SKAP2: variants seen among roughly 807,000 people sequenced by gnomAD.
The protein encoded by SKAP2 is src kinase-associated phosphoprotein 2.
A neutral mutation model predicts 54.9 loss-of-function variants in SKAP2; 28 were observed. The observed-to-expected ratio is 0.51, with a 90% CI of 0.38 to 0.70. The LOEUF is 0.70. Among genes scored for constraint, SKAP2 ranks in the 30% least tolerant of loss-of-function variants. The pLI, the probability that SKAP2 is intolerant of heterozygous loss-of-function variation, is 0.00. For synonymous variants in SKAP2, 137 were observed against 134.3 expected, an observed-to-expected ratio of 1.02 and a Z score of -0.14; for missense variants, 356 against 424.1, an observed-to-expected ratio of 0.84 and a Z score of 1.41.
intron 9 of SKAP2, among the ~76,000 whole-genome samples, chr7:26,704,687 G>GTATAT: frequency 6.6e-6 from 1 of 152,142 alleles, no homozygotes; most frequent in South Asian, 2.1e-4. Context: ...CTGTAGAAAG[G>GTATAT]GGCTGCCAAA....
At chr7:26,800,824 A>G (rs1218990873) in intron 4 of SKAP2, among the ~76,000 whole-genome samples, 1 of 152,210 alleles carries the variant, frequency 6.6e-6, no homozygotes, top group African/African-American at 2.4e-5. Flanking sequence ...GAACAGACCA[A>G]TAAGAAGCAA....
At chr7:26,845,731 A>G (rs1784907339) in intron 3 of SKAP2, among the ~76,000 whole-genome samples, 2 of 152,172 alleles carry the variant, frequency 1.3e-5, no homozygotes. Flanking sequence ...CAGGAATTAG[A>G]CACCAGGCTG....
In SKAP2 at chr7:26,667,396, G is replaced by A. The variant is rs1409309783; in HGVS notation, c.*2270C>T. 3 of 152,052 alleles carry A rather than the reference G, an allele frequency of 2.0e-5. No homozygotes were observed. The highest frequency in any genetic ancestry group is 7.2e-5 in the African/African-American group (3 of 41,412). The allele number at this position is 152,052 out of a possible 1,614,324, so 9.4% of individuals were successfully genotyped here. On this transcript the variant is annotated 3_prime_UTR_variant, in exon 13 of 13. Transcript: ENST00000345317. ...AAGGGTGTAAAGAAAACTCTCCCTG[G>A]TTTGTATACAAATGATTTCATCAAA...
At chr7:26,717,563 T>C (rs1787479958) in intron 9 of SKAP2, among the ~76,000 whole-genome samples, 1 of 106,076 alleles carries the variant, frequency 9.4e-6, no homozygotes, top group Non-Finnish European at 1.9e-5. Context: ...CTGTGGCTCA[T>C]ACCTATAATC....
At chr7:26,662,661 G>A (rs17154270), downstream of SKAP2, among the ~76,000 whole-genome samples, 1,651 of 152,182 alleles carry the variant, frequency 0.011, 23 homozygotes, top group African/African-American at 0.037. Context: ...GCCCTGAGAC[G>A]ATAATAAAGA....
chr7:26,800,125 A>G (rs1280948822), intron 4 of SKAP2, among the ~76,000 whole-genome samples: 2 of 152,150 alleles, frequency 1.3e-5, no homozygotes, highest in African/African-American at 2.4e-5. Context: ...CTCTGTCTCA[A>G]AAAAATAAAT....
chr7:26,736,996 C>T (rs1009477381), intron 6 of SKAP2, among the ~76,000 whole-genome samples: 2 of 151,958 alleles, frequency 1.3e-5, no homozygotes, highest in African/African-American at 2.4e-5. Context: ...AATATTAACA[C>T]GCTTTGGGTT....
chr7:26,723,274 AAC>A (rs768689118), intron 9 of SKAP2, among the ~76,000 whole-genome samples: 1 of 152,202 alleles, frequency 6.6e-6, no homozygotes, highest in African/African-American at 2.4e-5. Flanking sequence ...CGTTGGCACA[AAC>A]TTGACAAACT....
chr7:26,807,334 T>C (rs1784050134), intron 4 of SKAP2, among the ~76,000 whole-genome samples: 1 of 152,154 alleles, frequency 6.6e-6, no homozygotes, highest in Non-Finnish European at 1.5e-5. Context: ...TGGGAAGTGA[T>C]TGGATCATCG....
chr7:26,743,228 T>C (rs1008887553), intron 4 of SKAP2, among the ~76,000 whole-genome samples: 4 of 152,318 alleles, frequency 2.6e-5, no homozygotes, highest in Admixed American at 6.5e-5. Context: ...CACTGGGTCT[T>C]AGTCCTTTGC....
chr7:26,817,783 T>C (rs1159616636), intron 4 of SKAP2, among the ~76,000 whole-genome samples: 1 of 152,108 alleles, frequency 6.6e-6, no homozygotes, highest in Non-Finnish European at 1.5e-5. Flanking sequence ...AGCATTCCTA[T>C]ACACCAATAA....
intron 10 of SKAP2, among the ~76,000 whole-genome samples, chr7:26,686,565 G>T (rs1786645360): frequency 6.6e-6 from 1 of 152,074 alleles, no homozygotes. Context: ...CACTGCAGCT[G>T]GCCAGATCAC....
chr7:26,656,435 A>G, the SKAP2 span, among the ~76,000 whole-genome samples: 1 of 152,188 alleles, frequency 6.6e-6, no homozygotes, highest in Admixed American at 6.5e-5. Context: ...GTGTCATTCC[A>G]CTGTTATACT....
intron 10 of SKAP2, among the ~76,000 whole-genome samples, chr7:26,687,590 T>C (rs1325647034): frequency 1.3e-5 from 2 of 152,090 alleles, no homozygotes; most frequent in African/African-American, 4.8e-5. Flanking sequence ...AGGGAAGTAA[T>C]GTTTGAATTC....
At chr7:26,811,782 AGACT>A (rs768517387) in intron 4 of SKAP2, among the ~76,000 whole-genome samples, 1 of 152,240 alleles carries the variant, frequency 6.6e-6, no homozygotes, top group East Asian at 1.9e-4. Flanking sequence ...CTAATGATAC[AGACT>A]AATAAATACA....
intron 1 of SKAP2, among the ~76,000 whole-genome samples, chr7:26,860,400 G>C (rs1176019491): frequency 6.6e-6 from 1 of 152,078 alleles, no homozygotes; most frequent in African/African-American, 2.4e-5. Flanking sequence ...TTCTAGAAAA[G>C]AATATCTTGG....
chr7:26,743,572 G>A (rs1356667451), intron 4 of SKAP2, among the ~76,000 whole-genome samples: 1 of 152,090 alleles, frequency 6.6e-6, no homozygotes, highest in Non-Finnish European at 1.5e-5. Flanking sequence ...TTTATTATAT[G>A]GGCTTGCTTA....
intron 3 of SKAP2, among the ~76,000 whole-genome samples, chr7:26,848,447 C>T (rs1784972153): frequency 6.6e-6 from 1 of 152,110 alleles, no homozygotes; most frequent in Non-Finnish European, 1.5e-5. Flanking sequence ...AACTTTAGTT[C>T]ATGCACAAAA....
chr7:26,841,575 A>G (rs1784816665), intron 4 of SKAP2, among the ~76,000 whole-genome samples: 1 of 152,074 alleles, frequency 6.6e-6, no homozygotes, highest in African/African-American at 2.4e-5. Flanking sequence ...TACAGTACCT[A>G]ATAAACCATA....
Sources: gnomAD v4.1 joint callset for allele counts (sites outside exome capture counted in the v4.1 genomes callset) on GRCh38, gnomAD v4.1.1 for gene constraint, MANE v1.5 for transcripts, NCBI Gene and HGNC (gene_info 2026-07-23, HGNC 2026-07-21) for gene names.